Variants in CREB5 observed in about 807,000 individuals in gnomAD.
CREB5 encodes cyclic AMP-responsive element-binding protein 5.
CREB5 carries 19 observed loss-of-function variants against 57.1 expected under a neutral mutation model. The observed-to-expected ratio is 0.33, with a 90% confidence interval of 0.23 to 0.49. The LOEUF is 0.49. Ranked by LOEUF, CREB5 falls within the 20% of genes least tolerant of loss-of-function variation. The probability of loss-of-function intolerance (pLI) is 0.99; values close to 1 mark genes in which losing one functional copy is unlikely to be tolerated. For synonymous variants in CREB5, 238 were observed against 238.3 expected (o/e 1.00, Z 0.01); for missense variants, 579 against 671.6 (o/e 0.86, Z 1.52).
chr7:28,599,480 G>A (rs945807225), intron 5 of CREB5, among the ~76,000 whole-genome samples: 2 of 152,158 alleles, frequency 1.3e-5, no homozygotes, highest in Non-Finnish European at 2.9e-5. Context: ...TGGTCTAATA[G>A]TAAAGTGGGA....
At chr7:28,385,413 A>G (rs1339427538) in intron 1 of CREB5, among the ~76,000 whole-genome samples, 2 of 152,212 alleles carry the variant, frequency 1.3e-5, no homozygotes, top group African/African-American at 2.4e-5. Context: ...GTGGTGGCTC[A>G]TGCTTGTAAT....
chr7:28,709,449 G>C (rs1802291406), intron 5 of CREB5, among the ~76,000 whole-genome samples: 1 of 152,052 alleles, frequency 6.6e-6, no homozygotes, highest in Non-Finnish European at 1.5e-5. Context: ...AGTCACTAAA[G>C]AAGCCAAAAA....
upstream of CREB5, among the ~76,000 whole-genome samples, chr7:28,408,768 A>AG (rs970595292): frequency 3.9e-5 from 6 of 151,946 alleles, no homozygotes; most frequent in African/African-American, 1.2e-4. Flanking sequence ...AGGTGAGATG[A>AG]GGGGGCGGTG....
intron 7 of CREB5, among the ~76,000 whole-genome samples, chr7:28,750,867 A>G (rs939081205): frequency 2.6e-5 from 4 of 152,206 alleles, no homozygotes; most frequent in East Asian, 1.9e-4. Context: ...GAATGAATTT[A>G]TCAGGTAATG....
chr7:28,458,814 A>C (rs1790223337), intron 1 of CREB5, among the ~76,000 whole-genome samples: 1 of 152,198 alleles, frequency 6.6e-6, no homozygotes, highest in Admixed American at 6.5e-5. Flanking sequence ...TGCAATACCT[A>C]GGTGGCGCCT....
intron 4 of CREB5, among the ~76,000 whole-genome samples, chr7:28,539,216 T>C (rs11769156): frequency 0.15 from 22,252 of 152,274 alleles, 2,022 homozygotes; most frequent in East Asian, 0.25. Flanking sequence ...GTTTTCAGAA[T>C]GGTACCTGGC....
At chr7:28,752,305 T>C (rs973034717) in intron 7 of CREB5, among the ~76,000 whole-genome samples, 1 of 152,180 alleles carries the variant, frequency 6.6e-6, no homozygotes, top group Admixed American at 6.5e-5. Context: ...TAGCCAGGAT[T>C]ACAGGTGTCC....
intron 5 of CREB5, among the ~76,000 whole-genome samples, chr7:28,627,230 G>A (rs1401755396): frequency 1.3e-5 from 2 of 152,204 alleles, no homozygotes; most frequent in Non-Finnish European, 2.9e-5. Context: ...TGTCAGCTTG[G>A]AGTTTCTGAT....
At chr7:28,330,121 G>T (rs961619400) in intron 1 of CREB5, among the ~76,000 whole-genome samples, 1 of 152,198 alleles carries the variant, frequency 6.6e-6, no homozygotes, top group African/African-American at 2.4e-5. Flanking sequence ...AAGGACATCT[G>T]CAAATCATTG....
chr7:28,802,563 A>C (rs1277918645), intron 7 of CREB5, among the ~76,000 whole-genome samples: 1 of 152,242 alleles, frequency 6.6e-6, no homozygotes, highest in Non-Finnish European at 1.5e-5. Context: ...CCCCTGGTAA[A>C]TACTTCATGA....
At chr7:28,726,701 A>G (rs1242146163) in intron 7 of CREB5, 1 of 152,168 alleles carries the variant, frequency 6.6e-6, no homozygotes, top group Non-Finnish European at 1.5e-5. Flanking sequence ...AAGGTCACAC[A>G]TGGACTATTG....
At chr7:28,345,362 C>A (rs1385431369) in intron 1 of CREB5, among the ~76,000 whole-genome samples, 1 of 151,276 alleles carries the variant, frequency 6.6e-6, no homozygotes, top group Admixed American at 6.6e-5. Context: ...AAAATCATGA[C>A]AAGTATTGTT....
intron 1 of CREB5, among the ~76,000 whole-genome samples, chr7:28,303,387 C>T (rs1015041157): frequency 6.6e-6 from 1 of 151,940 alleles, no homozygotes; most frequent in Non-Finnish European, 1.5e-5. Flanking sequence ...TTTCATTTTA[C>T]AAGATAAAAG....
intron 7 of CREB5, among the ~76,000 whole-genome samples, chr7:28,736,388 C>T (rs1562605496): frequency 6.6e-6 from 1 of 152,060 alleles, no homozygotes; most frequent in African/African-American, 2.4e-5. Flanking sequence ...AGGCTGGTCT[C>T]GAACTCCCGA....
chr7:28,666,203 G>A (rs533927832), intron 5 of CREB5, among the ~76,000 whole-genome samples: 1 of 152,226 alleles, frequency 6.6e-6, no homozygotes, highest in Admixed American at 6.5e-5. Flanking sequence ...CCCTCTGTGT[G>A]CTCAGCAACA....
At chr7:28,478,276 G>A (rs1035400864) in intron 1 of CREB5, among the ~76,000 whole-genome samples, 1 of 152,080 alleles carries the variant, frequency 6.6e-6, no homozygotes. Flanking sequence ...TACAATACGA[G>A]CTAGGCATGA....
chr7:28,796,948 G>A (rs1414642953), intron 7 of CREB5, among the ~76,000 whole-genome samples: 2 of 152,154 alleles, frequency 1.3e-5, no homozygotes, highest in Non-Finnish European at 2.9e-5. Flanking sequence ...CCCTCCTGCT[G>A]AATTATAAAA....
chr7:28,488,880 T>C (rs1791682570), intron 2 of CREB5, among the ~76,000 whole-genome samples: 1 of 152,218 alleles, frequency 6.6e-6, no homozygotes. Context: ...CTGCACACAA[T>C]ACGAGCTCAA....
intron 1 of CREB5, among the ~76,000 whole-genome samples, chr7:28,477,642 A>G (rs1419156369): frequency 6.6e-6 from 1 of 152,312 alleles, no homozygotes; most frequent in Admixed American, 6.5e-5. Flanking sequence ...AGTCTGGCAC[A>G]GTGTTAACCT....
Sources: gnomAD v4.1 joint callset for allele counts (sites outside exome capture counted in the v4.1 genomes callset) on GRCh38, gnomAD v4.1.1 for gene constraint, MANE v1.5 for transcripts, NCBI Gene and HGNC (gene_info 2026-07-23, HGNC 2026-07-21) for gene names.